MID1: variants seen among roughly 807,000 people sequenced by gnomAD.
MID1 encodes E3 ubiquitin-protein ligase Midline-1.
MID1 carries 7 observed loss-of-function variants against 40.4 expected under a neutral mutation model. The observed-to-expected ratio is 0.17, with a 90% CI of 0.10 to 0.33. The LOEUF (loss-of-function observed/expected upper bound fraction) is 0.33. MID1 is among the 10% of genes least tolerant of loss of function. The probability of loss-of-function intolerance (pLI) is 1.00; values close to 1 mark genes in which losing one functional copy is unlikely to be tolerated. For synonymous variants in MID1, 229 were observed against 221.2 expected (o/e 1.04, Z -0.31); for missense variants, 367 against 558.5 (o/e 0.66, Z 3.46).
chrX:10,576,904 T>A (rs1389465431), intron 1 of MID1: 2 of 104,961 alleles, frequency 1.9e-5, no homozygotes, highest in African/African-American at 7.1e-5. Flanking sequence ...GCTGGAGCGG[T>A]CCTGTGTGTC....
At chrX:10,512,240 A>C (rs892104298) in intron 3 of MID1, among the ~76,000 whole-genome samples, 3 of 112,577 alleles carry the variant, frequency 2.7e-5, no homozygotes, top group African/African-American at 9.7e-5. Context: ...GCAGATGTAC[A>C]CTTGCTGAGC....
intron 1 of MID1, among the ~76,000 whole-genome samples, chrX:10,720,291 C>T (rs1272334202): frequency 3.6e-5 from 4 of 111,401 alleles, no homozygotes; most frequent in Non-Finnish European, 5.7e-5. Flanking sequence ...ATTTTTGCAA[C>T]CTACTCATCT....
intron 1 of MID1, among the ~76,000 whole-genome samples, chrX:10,614,848 G>A (rs1935812736): frequency 8.9e-6 from 1 of 111,932 alleles, no homozygotes; most frequent in Admixed American, 9.4e-5. Flanking sequence ...ATAACACAGT[G>A]GCATGTCCTC....
intron 1 of MID1, among the ~76,000 whole-genome samples, chrX:10,637,960 A>G (rs1936139150): frequency 8.9e-6 from 1 of 111,818 alleles, no homozygotes; most frequent in Admixed American, 9.5e-5. Flanking sequence ...TCCAAAATCA[A>G]GAGTTTCTTT....
chrX:10,577,120 A>T (rs1207210022), intron 1 of MID1, among the ~76,000 whole-genome samples: 1 of 111,877 alleles, frequency 8.9e-6, no homozygotes, highest in Non-Finnish European at 1.9e-5. Context: ...TCAGCTCAAC[A>T]CCCACTGCCT....
At chrX:10,532,769 TG>T (rs1933021030) in intron 2 of MID1, among the ~76,000 whole-genome samples, 1 of 94,283 alleles carries the variant, frequency 1.1e-5, no homozygotes, top group Non-Finnish European at 2.4e-5. Flanking sequence ...TAGCTAAGAA[TG>T]GTTTTTTTTT....
At chrX:10,532,555 T>C (rs1488416117) in intron 2 of MID1, among the ~76,000 whole-genome samples, 2 of 110,867 alleles carry the variant, frequency 1.8e-5, no homozygotes, top group Non-Finnish European at 3.8e-5. Flanking sequence ...AATAAATAAA[T>C]AAAACAAAAG....
chrX:10,766,508 A>G (rs2043730504), intron 1 of MID1, among the ~76,000 whole-genome samples: 2 of 112,295 alleles, frequency 1.8e-5, no homozygotes, highest in Admixed American at 1.9e-4. Flanking sequence ...TTCAGAATAC[A>G]ATGGGATGAC....
chrX:10,603,925 A>C (rs1268690223), intron 1 of MID1, among the ~76,000 whole-genome samples: 1 of 111,661 alleles, frequency 9.0e-6, no homozygotes, highest in African/African-American at 3.3e-5. Context: ...ATTCTGTGGC[A>C]AGGGTGATGA....
At chrX:10,466,609 T>C (rs1443144025) in intron 7 of MID1, among the ~76,000 whole-genome samples, 1 of 111,394 alleles carries the variant, frequency 9.0e-6, no homozygotes, top group Non-Finnish European at 1.9e-5. Context: ...TCCTCCTAGG[T>C]TTTGAGAACC....
At chrX:10,812,207 G>A (rs1386011938) in intron 1 of MID1, among the ~76,000 whole-genome samples, 1 of 111,295 alleles carries the variant, frequency 9.0e-6, no homozygotes, top group South Asian at 3.8e-4. Context: ...AGGGTGATGC[G>A]GTGGGAGGCA....
intron 1 of MID1, among the ~76,000 whole-genome samples, chrX:10,616,029 C>T (rs939051608): frequency 8.9e-6 from 1 of 111,947 alleles, no homozygotes; most frequent in Non-Finnish European, 1.9e-5. Context: ...ACTAATTGTT[C>T]CAAATAAGCA....
chrX:10,693,625 C>A (rs1280731595), intron 1 of MID1, among the ~76,000 whole-genome samples: 1 of 111,471 alleles, frequency 9.0e-6, no homozygotes, highest in East Asian at 2.8e-4. Context: ...ATATACATAG[C>A]TTGAGTACAT....
At chrX:10,474,993 A>G (rs57126194) in intron 5 of MID1, 17,053 of 433,794 alleles carry the variant, frequency 0.039, 1,239 homozygotes, top group African/African-American at 0.27. Flanking sequence ...TTTTACTATC[A>G]GGAAAAAAAA....
chrX:10,800,009 T>A (rs2043994992), intron 1 of MID1, among the ~76,000 whole-genome samples: 1 of 110,540 alleles, frequency 9.0e-6, no homozygotes. Context: ...CCACTATAAA[T>A]GCTGTGGTAG....
chrX:10,643,399 C>A (rs1241124333), intron 1 of MID1, among the ~76,000 whole-genome samples: 5 of 111,593 alleles, frequency 4.5e-5, no homozygotes, highest in African/African-American at 1.6e-4. Context: ...ATGCAGCCAA[C>A]AGACACGTGA....
At chrX:10,787,932 C>T (rs1011757778) in intron 1 of MID1, among the ~76,000 whole-genome samples, 1 of 110,809 alleles carries the variant, frequency 9.0e-6, no homozygotes, top group Non-Finnish European at 1.9e-5. Flanking sequence ...AGAATTTGCC[C>T]TTTACATTCA....
At chrX:10,457,233 T>C (rs1409296967) in intron 8 of MID1, among the ~76,000 whole-genome samples, 2 of 111,549 alleles carry the variant, frequency 1.8e-5, no homozygotes, top group Non-Finnish European at 3.8e-5. Flanking sequence ...GTCAGAGCCA[T>C]TGGAAAGACC....
intron 1 of MID1, among the ~76,000 whole-genome samples, chrX:10,795,701 T>A (rs1250316373): frequency 3.6e-5 from 4 of 112,476 alleles, no homozygotes; most frequent in Middle Eastern, 4.6e-3. Context: ...AAAAAACAAG[T>A]CGTTTGTCTC....
Sources: allele counts gnomAD v4.1 joint callset (sites outside exome capture counted in the v4.1 genomes callset), GRCh38; gene constraint gnomAD v4.1.1; transcripts MANE v1.5; gene names NCBI Gene and HGNC (gene_info 2026-07-23, HGNC 2026-07-21).